The following UTRN variants were observed in gnomAD, a reference collection of about 807,000 sequenced individuals.
UTRN encodes the protein dystrophin-related protein 1.
In UTRN, 283 loss-of-function variants were observed where a neutral mutation model predicts 463.9. The ratio of observed to expected loss-of-function variants is 0.61; its 90% CI spans 0.55 to 0.67. The LOEUF (loss-of-function observed/expected upper bound fraction) is 0.67. Among genes scored for constraint, UTRN ranks in the 30% least tolerant of loss-of-function variants. UTRN has a pLI of 0.00. For synonymous variants in UTRN, 1,442 were observed against 1,431.5 expected (o/e 1.01, Z -0.17); for missense variants, 3,922 against 4,084.3 (o/e 0.96, Z 1.08).
intron 16 of UTRN, among the ~76,000 whole-genome samples, chr6:144,448,300 A>G (rs980808878): frequency 1.3e-5 from 2 of 152,260 alleles, no homozygotes; most frequent in African/African-American, 4.8e-5. Context: ...GCAAGATTAT[A>G]TACGCTATGA....
chr6:144,433,366 A>ACCCC (rs1427929139), intron 9 of UTRN, among the ~76,000 whole-genome samples: 1 of 131,600 alleles, frequency 7.6e-6, no homozygotes, highest in African/African-American at 2.8e-5. Flanking sequence ...GCGGGGGCTG[A>ACCCC]CCCCCACCTC....
intron 2 of UTRN, chr6:144,311,619 T>C (rs780597069): frequency 6.6e-6 from 1 of 152,250 alleles, no homozygotes; most frequent in Non-Finnish European, 1.5e-5. Context: ...GACCTCACAC[T>C]GATCACTTTC....
At chr6:144,706,262 C>T (rs1265844167) in intron 53 of UTRN, among the ~76,000 whole-genome samples, 2 of 150,304 alleles carry the variant, frequency 1.3e-5, no homozygotes, top group Non-Finnish European at 1.5e-5. Context: ...TGTCCTTTTC[C>T]TCTGCTGTCA....
intron 14 of UTRN, among the ~76,000 whole-genome samples, chr6:144,444,977 C>T (rs1190831999): frequency 6.6e-6 from 1 of 152,158 alleles, no homozygotes; most frequent in Non-Finnish European, 1.5e-5. Context: ...CTCTGTCTTT[C>T]CAGAAAAGCA....
intron 54 of UTRN, among the ~76,000 whole-genome samples, chr6:144,744,614 CACACACACACACACAT>C (rs1238142885): frequency 0.025 from 2,580 of 105,046 alleles, 44 homozygotes; most frequent in East Asian, 0.11. Context: ...TACACACACA[CACACACACACACACAT>C]ACACACACAC....
At chr6:144,840,150 T>A (rs1351944185) in intron 72 of UTRN, among the ~76,000 whole-genome samples, 1 of 152,036 alleles carries the variant, frequency 6.6e-6, no homozygotes, top group Non-Finnish European at 1.5e-5. Context: ...ATCGCACCAA[T>A]GCACTCCAGC....
At chr6:144,375,470 G>C (rs558639905) in intron 2 of UTRN, among the ~76,000 whole-genome samples, 5 of 152,236 alleles carry the variant, frequency 3.3e-5, no homozygotes, top group African/African-American at 9.6e-5. Context: ...CTTTCCTTAA[G>C]CTTAAAGGGT....
rs1234619533 is a variant in UTRN at position 144,557,148 on chromosome 6, G to A, written c.7135-9G>A. ...AAGTCTAACAAACAGACCTGCACTTGCACCTCAGATACTGCTTCAAGAACT... is the reference window on the plus strand; with the variant it reads ...AAGTCTAACAAACAGACCTGCACTTACACCTCAGATACTGCTTCAAGAACT... On this transcript the variant is annotated splice_polypyrimidine_tract_variant and intron_variant, in intron 49 of 74. Transcript: ENST00000367545. 3.1e-6 allele frequency: 5 copies of A among 1,612,184 alleles called. No individual in the cohort carries two copies. Among genetic ancestry groups the A allele is most frequent in the Non-Finnish European group, 3.4e-6 (4 of 1,179,058 alleles).
intron 74 of UTRN, among the ~76,000 whole-genome samples, chr6:144,847,483 G>A (rs1185710665): frequency 1.3e-5 from 2 of 152,090 alleles, no homozygotes; most frequent in East Asian, 1.9e-4. Context: ...GCAGGCAGGA[G>A]GGGGTGGAGG....
chr6:144,464,807 C>T (rs748440716), intron 23 of UTRN, among the ~76,000 whole-genome samples: 1 of 152,136 alleles, frequency 6.6e-6, no homozygotes, highest in Non-Finnish European at 1.5e-5. Flanking sequence ...GCCCATTTTA[C>T]TTTGCGATGG....
intron 2 of UTRN, among the ~76,000 whole-genome samples, chr6:144,294,864 C>T (rs1370227199): frequency 2.0e-5 from 3 of 152,018 alleles, no homozygotes; most frequent in East Asian, 1.9e-4. Context: ...GTCAAGGGTA[C>T]GTAATGAAGT....
chr6:144,541,725 A>G (rs1457049142), intron 45 of UTRN, among the ~76,000 whole-genome samples: 1 of 152,248 alleles, frequency 6.6e-6, no homozygotes. Flanking sequence ...AGACCAGCAG[A>G]CAACCAATTA....
intron 51 of UTRN, among the ~76,000 whole-genome samples, chr6:144,629,193 T>A (rs889395748): frequency 3.3e-5 from 5 of 152,142 alleles, no homozygotes; most frequent in African/African-American, 1.2e-4. Flanking sequence ...TATTTGCTTA[T>A]TTGCTCTTAC....
chr6:144,649,923 G>A (rs76518036), intron 51 of UTRN, among the ~76,000 whole-genome samples: 2,058 of 152,240 alleles, frequency 0.014, 44 homozygotes, highest in African/African-American at 0.047. Context: ...GAATGATGAC[G>A]TGAAGAAATC....
chr6:144,475,692 T>G (rs1791120431), intron 25 of UTRN, among the ~76,000 whole-genome samples: 1 of 152,190 alleles, frequency 6.6e-6, no homozygotes, highest in African/African-American at 2.4e-5. Flanking sequence ...CCTAGCTTAC[T>G]GCAGCCTTGA....
In UTRN at chr6:144,393,525, G is replaced by C. The variant is rs145754812; in HGVS notation, c.80-9598G>C. Among the ~76,000 whole-genome samples, 38 of 152,328 alleles carry C rather than the reference G, an allele frequency of 2.5e-4. No individual in the cohort carries two copies. In the East Asian group the frequency reaches 5.2e-3, roughly 21 times the overall value. On this transcript the variant is annotated intron_variant, in intron 2 of 74. Coordinates refer to ENST00000367545, the MANE Select transcript of UTRN (RefSeq NM_007124.3). ...CGATGGAAAAAGGCAATCCAGAAGA[G>C]AAATGGTAGAAAGAGACTGACCCAC...
At chr6:144,313,126 C>G (rs1316454789) in intron 2 of UTRN, among the ~76,000 whole-genome samples, 1 of 152,026 alleles carries the variant, frequency 6.6e-6, no homozygotes, top group Non-Finnish European at 1.5e-5. Flanking sequence ...GAGGCTTGCC[C>G]CTCAACACTA....
At chr6:144,752,691 G>GT (rs1310249650) in intron 56 of UTRN, among the ~76,000 whole-genome samples, 1 of 151,958 alleles carries the variant, frequency 6.6e-6, no homozygotes, top group Non-Finnish European at 1.5e-5. Flanking sequence ...AAATTTATGT[G>GT]TTTTTCTAGT....
chr6:144,813,061 T>A (rs943164730), intron 65 of UTRN, among the ~76,000 whole-genome samples: 1 of 152,178 alleles, frequency 6.6e-6, no homozygotes, highest in African/African-American at 2.4e-5. Flanking sequence ...CAGCCCTAAT[T>A]TGTACATGTG....
Sources: allele counts gnomAD v4.1 joint callset (sites outside exome capture counted in the v4.1 genomes callset), GRCh38; gene constraint gnomAD v4.1.1; transcripts MANE v1.5; gene names NCBI Gene and HGNC (gene_info 2026-07-23, HGNC 2026-07-21).